NKAIN2: variants seen among roughly 807,000 people sequenced by gnomAD.
The protein encoded by NKAIN2 is sodium/potassium transporting ATPase interacting 2.
In NKAIN2, 14 loss-of-function variants were observed where a neutral mutation model predicts 32.6. The ratio of observed to expected loss-of-function variants is 0.43; its 90% CI spans 0.28 to 0.67. The LOEUF (loss-of-function observed/expected upper bound fraction) is 0.67, where lower values mean the gene tolerates loss of function less well. Among genes scored for constraint, NKAIN2 ranks in the 30% least tolerant of loss-of-function variants. NKAIN2 has a pLI of 0.17. For missense variants in NKAIN2, 198 were observed against 258.3 expected (o/e 0.77, Z 1.60); for synonymous variants, 80 against 87.2 (o/e 0.92, Z 0.46).
At chr6:124,213,889 G>A (rs530249996) in intron 1 of NKAIN2, among the ~76,000 whole-genome samples, 61 of 152,170 alleles carry the variant, frequency 4.0e-4, no homozygotes, top group Middle Eastern at 3.4e-3. Flanking sequence ...GTGGTACAAG[G>A]AATATCCACA....
intron 1 of NKAIN2, among the ~76,000 whole-genome samples, chr6:123,815,050 C>T (rs1030276865): frequency 6.6e-6 from 1 of 151,744 alleles, no homozygotes; most frequent in African/African-American, 2.4e-5. Flanking sequence ...TGAACATGTG[C>T]TGAATAAATT....
intron 1 of NKAIN2, among the ~76,000 whole-genome samples, chr6:124,247,977 C>CA (rs1291523000): frequency 6.6e-6 from 1 of 151,994 alleles, no homozygotes; most frequent in African/African-American, 2.4e-5. Context: ...ATGCATAGAA[C>CA]ACTTAAACGA....
intron 1 of NKAIN2, among the ~76,000 whole-genome samples, chr6:123,904,889 C>T (rs76586465): frequency 0.012 from 1,843 of 152,168 alleles, 35 homozygotes; most frequent in African/African-American, 0.043. Context: ...TTTTGGATTG[C>T]GTGTTGTAAA....
intron 1 of NKAIN2, among the ~76,000 whole-genome samples, chr6:124,228,765 A>G (rs1792260265): frequency 1.3e-5 from 2 of 152,112 alleles, no homozygotes; most frequent in Non-Finnish European, 2.9e-5. Context: ...TTTCTGTTTC[A>G]ATGAAGTCAA....
At chr6:124,619,344 T>C (rs901078600) in intron 3 of NKAIN2, among the ~76,000 whole-genome samples, 1 of 152,176 alleles carries the variant, frequency 6.6e-6, no homozygotes, top group African/African-American at 2.4e-5. Context: ...AGCCGGTAGG[T>C]AAAGGAATGG....
rs969404273 is a variant in NKAIN2 at position 124,326,313 on chromosome 6, T to TA, written c.193-28947dup. 3.3e-5 allele frequency among the ~76,000 whole-genome samples: 5 copies of TA among 152,176 alleles called. No individual in the cohort carries two copies. The South Asian group carries it at 6.2e-4, about 19-fold the overall frequency. ...CTTTCATCTTTATCTTTCTAGTTTT[T>TA]AAAAAAATATAATTTTCAGGACTTT... is the stretch of plus-strand genomic sequence containing the variant. On this transcript the variant is annotated intron_variant, in intron 2 of 6. Transcript: ENST00000368417.
intron 3 of NKAIN2, among the ~76,000 whole-genome samples, chr6:124,441,733 G>A (rs550249041): frequency 1.3e-5 from 2 of 152,196 alleles, no homozygotes; most frequent in Admixed American, 6.6e-5. Context: ...AGCAAAGCAA[G>A]TGTTGTCATT....
chr6:124,146,933 CA>C (rs1787438764), intron 1 of NKAIN2, among the ~76,000 whole-genome samples: 1 of 152,104 alleles, frequency 6.6e-6, no homozygotes, highest in Non-Finnish European at 1.5e-5. Flanking sequence ...GTGGAGGCTT[CA>C]AAGGCATGTT....
intron 1 of NKAIN2, among the ~76,000 whole-genome samples, chr6:124,194,231 C>T (rs1005609047): frequency 2.8e-4 from 43 of 151,776 alleles, no homozygotes; most frequent in Non-Finnish European, 1.6e-4. Flanking sequence ...AAGATCTAGT[C>T]TGCCTCCTGC....
rs1290974538 is a variant in NKAIN2 at position 124,823,585 on chromosome 6, C to T, written c.*356C>T. The T allele has an allele frequency of 1.7e-5, 4 of 233,690 alleles. No individual in the cohort carries two copies. Among genetic ancestry groups the T allele is most frequent in the Middle Eastern group, 3.1e-3 (2 of 640 alleles). 14.5% of individuals were successfully genotyped at this position (233,690 alleles called of 1,614,324 possible). A position where few individuals can be genotyped will look rare whatever the true frequency, so the allele number is the denominator to read the frequency against. Reference sequence around the variant, plus strand: ...CATTGCTAACTCCTCTGCAGCCCAGCGGGTTGGCCTCTGTGAGCTGGGAAG... The same window carrying T: ...CATTGCTAACTCCTCTGCAGCCCAGTGGGTTGGCCTCTGTGAGCTGGGAAG... On this transcript the variant is annotated 3_prime_UTR_variant, in exon 7 of 7. Transcript: ENST00000368417.
chr6:124,741,213 A>G lies in NKAIN2; in HGVS notation c.475-50126A>G, dbSNP rs559901246. On this transcript the variant is annotated intron_variant, in intron 4 of 6. Transcript: ENST00000368417. Reference sequence around the variant, plus strand: ...TAAGTTAGATGTCTACTATACAACCAAGCAGAAATGCCAATTAGGCAAGTG... The same window carrying G: ...TAAGTTAGATGTCTACTATACAACCGAGCAGAAATGCCAATTAGGCAAGTG... 1.3e-4 allele frequency among the ~76,000 whole-genome samples: 19 copies of G among 151,710 alleles called. 1 individual carries two copies. Among genetic ancestry groups the G allele is most frequent in the African/African-American group, 3.1e-4 (13 of 41,430 alleles).
chr6:124,175,605 T>A (rs1789115622), intron 1 of NKAIN2, among the ~76,000 whole-genome samples: 1 of 152,202 alleles, frequency 6.6e-6, no homozygotes, highest in Admixed American at 6.5e-5. Flanking sequence ...ACTTAGTAGA[T>A]ACATCTATTG....
intron 1 of NKAIN2, among the ~76,000 whole-genome samples, chr6:124,121,507 T>C (rs188104124): frequency 1.0e-3 from 158 of 152,226 alleles, no homozygotes; most frequent in Non-Finnish European, 2.0e-3. Context: ...ATACACATCA[T>C]TGATGCAATC....
chr6:124,763,695 C>G (rs988146173), intron 4 of NKAIN2, among the ~76,000 whole-genome samples: 1 of 151,912 alleles, frequency 6.6e-6, no homozygotes, highest in Non-Finnish European at 1.5e-5. Flanking sequence ...TAAATGTTCT[C>G]GACATGAAAA....
intron 1 of NKAIN2, among the ~76,000 whole-genome samples, chr6:124,153,595 T>C (rs1582749556): frequency 6.6e-6 from 1 of 151,838 alleles, no homozygotes. Flanking sequence ...TCCATTACCC[T>C]TTTTCCCCAA....
chr6:124,438,942 T>C (rs914153640), intron 3 of NKAIN2, among the ~76,000 whole-genome samples: 1 of 152,160 alleles, frequency 6.6e-6, no homozygotes, highest in Admixed American at 6.6e-5. Context: ...GGCTTGCTCC[T>C]AGGCCTTCCT....
At chr6:124,527,279 C>A (rs369382221) in intron 3 of NKAIN2, among the ~76,000 whole-genome samples, 2 of 152,112 alleles carry the variant, frequency 1.3e-5, no homozygotes, top group South Asian at 2.1e-4. Flanking sequence ...GGCAAAACAC[C>A]ACATAACATT....
At chr6:124,189,578 T>G (rs1789915082) in intron 1 of NKAIN2, among the ~76,000 whole-genome samples, 1 of 152,084 alleles carries the variant, frequency 6.6e-6, no homozygotes, top group South Asian at 2.1e-4. Context: ...CACGCACCTG[T>G]AGTCCCAGCT....
chr6:123,933,525 A>G, intron 1 of NKAIN2, among the ~76,000 whole-genome samples: 1 of 152,258 alleles, frequency 6.6e-6, no homozygotes, highest in Non-Finnish European at 1.5e-5. Context: ...AGATGAATAA[A>G]GAAGACTGAA....
Sources: gnomAD v4.1 joint callset for allele counts (sites outside exome capture counted in the v4.1 genomes callset) on GRCh38, gnomAD v4.1.1 for gene constraint, MANE v1.5 for transcripts, NCBI Gene and HGNC (gene_info 2026-07-23, HGNC 2026-07-21) for gene names.